Variants in ZNF804B observed in about 807,000 individuals in gnomAD.
ZNF804B encodes zinc finger protein 804B.
ZNF804B carries 80 observed loss-of-function variants against 101.4 expected under a neutral mutation model. The observed-to-expected ratio is 0.79, with a 90% confidence interval of 0.66 to 0.95. The LOEUF (loss-of-function observed/expected upper bound fraction) is 0.95, where lower values mean the gene tolerates loss of function less well. ZNF804B is among the 40% of genes least tolerant of loss of function. The probability of loss-of-function intolerance (pLI) is 0.00; values close to 1 mark genes in which losing one functional copy is unlikely to be tolerated. For missense variants in ZNF804B, 1,673 were observed against 1,561.9 expected (o/e 1.07, Z -1.20); for synonymous variants, 622 against 558.8 (o/e 1.11, Z -1.59).
At chr7:89,254,124 A>G (rs1296501899) in intron 2 of ZNF804B, among the ~76,000 whole-genome samples, 2 of 152,156 alleles carry the variant, frequency 1.3e-5, no homozygotes, top group African/African-American at 2.4e-5. Context: ...TCTATTTAAC[A>G]TTGCATTGAC....
rs12704427 is a variant in ZNF804B, at chr7:89,046,239, G to T, written c.109-171916G>T. 5.1e-3 allele frequency among the ~76,000 whole-genome samples: 772 copies of T among 152,070 alleles called. 1 individual carries two copies. Among genetic ancestry groups the T allele is most frequent in the Middle Eastern group, 0.014 (4 of 294 alleles). On this transcript the variant is annotated intron_variant, in intron 1 of 3. Coordinates refer to ENST00000333190, the MANE Select transcript of ZNF804B (RefSeq NM_181646.5). ...CCCAGCCAAGCAGAAGTGTGGGTAA[G>T]TTAATCCTCTTTCCTTTATAAATTA...
chr7:89,279,467 A>T (rs1396883092), intron 2 of ZNF804B, among the ~76,000 whole-genome samples: 2 of 150,216 alleles, frequency 1.3e-5, no homozygotes, highest in East Asian at 1.9e-4. Context: ...TTGCCCATTC[A>T]GTATGATATT....
intron 1 of ZNF804B, among the ~76,000 whole-genome samples, chr7:89,122,394 C>A (rs556765460): frequency 1.2e-4 from 18 of 152,264 alleles, no homozygotes; most frequent in Non-Finnish European, 2.4e-4. Flanking sequence ...GAATTTATAT[C>A]GTCCAAAGAT....
At chr7:89,052,748 C>A (rs1789226764) in intron 1 of ZNF804B, among the ~76,000 whole-genome samples, 1 of 152,148 alleles carries the variant, frequency 6.6e-6, no homozygotes, top group Non-Finnish European at 1.5e-5. Flanking sequence ...AACGTACTCA[C>A]ATTTAGCCCA....
At chr7:89,032,498 C>T (rs868726028) in intron 1 of ZNF804B, among the ~76,000 whole-genome samples, 9 of 151,984 alleles carry the variant, frequency 5.9e-5, no homozygotes, top group South Asian at 2.1e-4. Context: ...TACTTACTTT[C>T]TTTTCTTCAT....
intron 1 of ZNF804B, among the ~76,000 whole-genome samples, chr7:89,098,866 C>A (rs768572717): frequency 6.6e-6 from 1 of 151,698 alleles, no homozygotes. Flanking sequence ...CAAGTACCTG[C>A]CTAAACTTCA....
intron 1 of ZNF804B, among the ~76,000 whole-genome samples, chr7:89,118,715 A>G (rs1412443391): frequency 2.6e-5 from 4 of 152,114 alleles, no homozygotes; most frequent in Admixed American, 1.3e-4. Flanking sequence ...AATTATTTCA[A>G]TTGTTATCTG....
intron 1 of ZNF804B, among the ~76,000 whole-genome samples, chr7:89,207,638 T>C (rs953947339): frequency 6.6e-6 from 1 of 152,246 alleles, no homozygotes; most frequent in Non-Finnish European, 1.5e-5. Flanking sequence ...ACAGTTTACA[T>C]TAAGACTCAG....
chr7:89,299,979 A>G (rs1790449995), intron 2 of ZNF804B, among the ~76,000 whole-genome samples: 1 of 151,792 alleles, frequency 6.6e-6, no homozygotes, highest in Non-Finnish European at 1.5e-5. Flanking sequence ...TTTCCCAACA[A>G]TTAATTCTGC....
At chr7:88,877,020 AT>A (rs1315526856) in intron 1 of ZNF804B, among the ~76,000 whole-genome samples, 66 of 71,594 alleles carry the variant, frequency 9.2e-4, no homozygotes, top group East Asian at 2.3e-3. Flanking sequence ...ATATATATAT[AT>A]ATATAATATA....
chr7:89,221,418 G>A (rs17167557), intron 2 of ZNF804B, among the ~76,000 whole-genome samples: 7,148 of 151,966 alleles, frequency 0.047, 228 homozygotes, highest in South Asian at 0.11. Context: ...CCTTACACAC[G>A]TATAAATGGA....
At chr7:88,956,400 A>C (rs916840436) in intron 1 of ZNF804B, among the ~76,000 whole-genome samples, 2 of 151,140 alleles carry the variant, frequency 1.3e-5, no homozygotes, top group African/African-American at 2.4e-5. Context: ...ATACATAAAT[A>C]AAAGAAAATT....
intron 1 of ZNF804B, among the ~76,000 whole-genome samples, chr7:88,920,080 A>G (rs1259237845): frequency 1.3e-5 from 2 of 152,074 alleles, no homozygotes; most frequent in African/African-American, 4.8e-5. Flanking sequence ...CTAAAATACA[A>G]CCACCCCATG....
At chr7:88,843,888 A>C (rs531224141) in intron 1 of ZNF804B, among the ~76,000 whole-genome samples, 27 of 152,290 alleles carry the variant, frequency 1.8e-4, no homozygotes, top group African/African-American at 6.3e-4. Context: ...CCGTTCATCG[A>C]TCTAGAAAAA....
chr7:89,034,496 C>T (rs971206908), intron 1 of ZNF804B, among the ~76,000 whole-genome samples: 37 of 151,922 alleles, frequency 2.4e-4, no homozygotes, highest in Non-Finnish European at 4.4e-4. Flanking sequence ...TGAGAACATG[C>T]GGTGTTTGGT....
chr7:88,851,790 A>G (rs1050004870), intron 1 of ZNF804B, among the ~76,000 whole-genome samples: 1 of 152,136 alleles, frequency 6.6e-6, no homozygotes, highest in African/African-American at 2.4e-5. Flanking sequence ...AGCAATAACA[A>G]TGCATCATGG....
intron 1 of ZNF804B, among the ~76,000 whole-genome samples, chr7:89,125,985 G>A (rs1790470142): frequency 6.6e-6 from 1 of 152,000 alleles, no homozygotes; most frequent in African/African-American, 2.4e-5. Context: ...GGTTCCCCCT[G>A]ATGATCAGAT....
intron 2 of ZNF804B, among the ~76,000 whole-genome samples, chr7:89,325,774 T>A (rs567451261): frequency 6.6e-6 from 1 of 152,078 alleles, no homozygotes; most frequent in South Asian, 2.1e-4. Context: ...GTATTTATAT[T>A]CAGTACTAAC....
chr7:89,285,531 AAAAAAAAAAAAAAAAAAGAAGAAG>A (rs1323045649), intron 2 of ZNF804B, among the ~76,000 whole-genome samples: 2 of 130,518 alleles, frequency 1.5e-5, no homozygotes, highest in African/African-American at 6.2e-5. Context: ...TCAAAAAAAA[AAAAAAAAAAAAAAAAAAGAAGAAG>A]AAGAAGAAGA....
Sources: gnomAD v4.1 joint callset for allele counts (sites outside exome capture counted in the v4.1 genomes callset) on GRCh38, gnomAD v4.1.1 for gene constraint, MANE v1.5 for transcripts, NCBI Gene and HGNC (gene_info 2026-07-23, HGNC 2026-07-21) for gene names.